The following SRD5A1 variants were observed in gnomAD, a reference collection of about 807,000 sequenced individuals.
SRD5A1 encodes the protein 3-oxo-5-alpha-steroid 4-dehydrogenase 1.
A neutral mutation model predicts 28.2 loss-of-function variants in SRD5A1; 22 were observed. The ratio of observed to expected loss-of-function variants is 0.78; its 90% CI spans 0.56 to 1.12. SRD5A1 has a LOEUF of 1.12. Ranked by LOEUF, SRD5A1 falls within the 50% of genes most tolerant of loss-of-function variation. SRD5A1 has a pLI of 0.00. For synonymous variants in SRD5A1, 151 were observed against 135.0 expected (o/e 1.12, Z -0.82); for missense variants, 300 against 346.7 (o/e 0.87, Z 1.07).
chr5:6,642,900 C>T (rs553557119), intron 1 of SRD5A1, among the ~76,000 whole-genome samples: 1 of 152,276 alleles, frequency 6.6e-6, no homozygotes, highest in South Asian at 2.1e-4. Flanking sequence ...ATAGTTGAGT[C>T]CATGAGAGGG....
At chr5:6,668,113 T>C in intron 4 of SRD5A1, 89 bp from the exon 5 acceptor site, 1 of 852,568 alleles carries the variant, frequency 1.2e-6, no homozygotes. Flanking sequence ...TGAGTACTCT[T>C]TTGTAATGAA....
rs193296640 is a variant in SRD5A1 at position 6,658,849 on chromosome 5, C to T, written c.562+2670C>T. ...AACCTAGACTGGGTGCAGTGGCTCA[C>T]ACCTGTAATCCCAGCACTTTGGGAG... is the stretch of plus-strand genomic sequence containing the variant. On this transcript the variant is annotated intron_variant, in intron 3 of 4. Transcript: ENST00000274192. Among the ~76,000 whole-genome samples the T allele has an allele frequency of 2.6e-5, 4 of 151,952 alleles. No homozygotes were observed. The East Asian group carries it at 5.8e-4, about 22-fold the overall frequency.
chr5:6,635,833 C>G (rs7707877), intron 1 of SRD5A1, among the ~76,000 whole-genome samples: 54,151 of 151,986 alleles, frequency 0.36, 9,965 homozygotes, highest in Middle Eastern at 0.43. Context: ...TTTCATTGTA[C>G]CTACATTCAC....
rs1453034998 is a variant in SRD5A1 at position 6,669,039 on chromosome 5, G to A, written c.*771G>A. On this transcript the variant is annotated 3_prime_UTR_variant, in exon 5 of 5. Transcript: ENST00000274192. Reference sequence around the variant, plus strand: ...GTGAGCCATCAATGTGCTCTGGTCTGACATGGTTTCTCTCTGTCTTCTAGT... The same window carrying A: ...GTGAGCCATCAATGTGCTCTGGTCTAACATGGTTTCTCTCTGTCTTCTAGT... 1 of 152,240 alleles carries A rather than the reference G, an allele frequency of 6.6e-6. No homozygotes were observed. The highest frequency in any genetic ancestry group is 1.5e-5 in the Non-Finnish European group (1 of 68,072). The allele number at this position is 152,240 out of a possible 1,614,324, so 9.4% of individuals were successfully genotyped here.
At position 6,633,607 on chromosome 5, in the gene SRD5A1, C is replaced by T; in HGVS notation, c.31C>T (p.Arg11Cys). 6.6e-7 allele frequency: 1 copy of T among 1,525,120 alleles called. No homozygotes were observed. The highest frequency in any genetic ancestry group is 8.7e-7 in the Non-Finnish European group (1 of 1,143,776). 94.5% of individuals were successfully genotyped at this position (1,525,120 alleles called of 1,614,324 possible). Reference sequence around the variant, plus strand: ...AACGGCGACGGGGGTGGCGGAGGAGCGCCTGCTGGCCGCGCTCGCCTACCT... The same window carrying T: ...AACGGCGACGGGGGTGGCGGAGGAGTGCCTGCTGGCCGCGCTCGCCTACCT... MATATGVAEE[R>C]LLAALAYLQC... Residue 11 changes from arginine (R) to cysteine (C), a missense_variant, in exon 1 of 5, where the codon CGC becomes TGC. Physicochemically the swap from Arg to Cys is radical, Grantham distance 180 (BLOSUM62 -3). Transcript: ENST00000274192.
At chr5:6,634,947 T>C (rs1738134397) in intron 1 of SRD5A1, among the ~76,000 whole-genome samples, 1 of 152,234 alleles carries the variant, frequency 6.6e-6, no homozygotes, top group Non-Finnish European at 1.5e-5. Context: ...CCCAAGGAAG[T>C]TGAACTCACT....
chr5:6,646,142 GCAT>G (rs1738505602), intron 1 of SRD5A1, among the ~76,000 whole-genome samples: 3 of 152,172 alleles, frequency 2.0e-5, no homozygotes, highest in Admixed American at 2.0e-4. Context: ...ACAGTTTCTA[GCAT>G]CATCCATGTC....
chr5:6,649,863 C>T (rs1363614991), intron 1 of SRD5A1, among the ~76,000 whole-genome samples: 7 of 143,124 alleles, frequency 4.9e-5, no homozygotes, highest in South Asian at 2.2e-4. Context: ...GCTGCAAGAC[C>T]GGAGCTGTTC....
chr5:6,665,334 C>T (rs566340171), intron 4 of SRD5A1, among the ~76,000 whole-genome samples: 1 of 152,364 alleles, frequency 6.6e-6, no homozygotes, highest in South Asian at 2.1e-4. Flanking sequence ...TTATAAGCCA[C>T]CCAGTGTGTG....
chr5:6,658,662 T>G (rs570947581), intron 3 of SRD5A1, among the ~76,000 whole-genome samples: 2 of 152,256 alleles, frequency 1.3e-5, no homozygotes, highest in East Asian at 3.9e-4. Flanking sequence ...AGAAAATGCT[T>G]CTAAAATTCT....
Position 6,633,777 on chromosome 5 carries a change from G to A in SRD5A1, c.201G>A (p.Pro67=), listed in dbSNP as rs1366622510. The A allele has an allele frequency of 1.3e-6, 2 of 1,597,718 alleles. No individual in the cohort carries two copies. Among genetic ancestry groups the A allele is most frequent in the Admixed American group, 1.7e-5 (1 of 59,996 alleles). Residue 67 remains proline, a synonymous_variant, in exon 1 of 5, where the codon CCG becomes CCA. Transcript: ENST00000274192. ...AGGAGCTGCCCTCGCTGGCCCTGCC[G>A]CTCTACCAGTACGCCAGCGAGTCCG... is the stretch of plus-strand genomic sequence containing the variant. ...VVQELPSLAL[P]LYQYASESAP... is the part of the protein sequence containing the mutation.
intron 1 of SRD5A1, among the ~76,000 whole-genome samples, chr5:6,646,795 T>C (rs1035917388): frequency 6.6e-6 from 1 of 152,214 alleles, no homozygotes; most frequent in Non-Finnish European, 1.5e-5. Flanking sequence ...GCTCTGATCT[T>C]AGTTATTTCT....
At chr5:6,634,226 C>CT (rs1738101521) in intron 1 of SRD5A1, among the ~76,000 whole-genome samples, 1 of 152,228 alleles carries the variant, frequency 6.6e-6, no homozygotes, top group Non-Finnish European at 1.5e-5. Flanking sequence ...ACTCGGGAGT[C>CT]TGAGATGGAA....
In SRD5A1 at chr5:6,656,107, A is replaced by G. The variant is rs373310457; in HGVS notation, c.490A>G (p.Ile164Val). ...GFGLWLTGML[I>V]NIHSDHILRN... The stretch of plus-strand genomic sequence containing the variant: ...TGGCTTGTGGTTAACGGGCATGTTG[A>G]TAAACATCCATTCAGATCATATCCT... The change falls in exon 3 of 5, where the codon ATA becomes GTA. Residue 164 changes from isoleucine to valine, a missense_variant. Coordinates refer to ENST00000274192, the MANE Select transcript of SRD5A1 (RefSeq NM_001047.4). 10 of 1,613,912 alleles carry G rather than the reference A, an allele frequency of 6.2e-6. No homozygotes were observed. Among genetic ancestry groups the G allele is most frequent in the Non-Finnish European group, 8.5e-6 (10 of 1,179,978 alleles).
At chr5:6,664,292 T>C (rs891667801) in intron 4 of SRD5A1, among the ~76,000 whole-genome samples, 2 of 152,200 alleles carry the variant, frequency 1.3e-5, no homozygotes, top group Non-Finnish European at 2.9e-5. Flanking sequence ...TAGATTGATA[T>C]GGTATAGTGG....
chr5:6,651,881 T>C lies in SRD5A1; in HGVS notation c.333T>C (p.Pro111=), dbSNP rs1388461999. ...CATTTCTGATGCGAGGAGGAAAGCC[T>C]ATGCCACTGTTGGCGTGTACAATGG... The part of the protein sequence containing the change: ...IYPFLMRGGK[P]MPLLACTMAI... The change falls in exon 2 of 5, where the codon CCT becomes CCC. Residue 111 remains proline (P), a synonymous_variant. Transcript: ENST00000274192. 6.2e-7 allele frequency: 1 copy of C among 1,613,408 alleles called. No homozygotes were observed. The highest frequency in any genetic ancestry group is 8.5e-7 in the Non-Finnish European group (1 of 1,179,764).
At chr5:6,652,068 C>G in intron 2 of SRD5A1, 60 bp downstream of exon 2, 1 of 1,495,270 alleles carries the variant, frequency 6.7e-7, no homozygotes, top group Non-Finnish European at 9.1e-7. Flanking sequence ...TATTGATGTC[C>G]CAGTGGTTTC....
At chr5:6,666,000 G>T (rs1739157931) in intron 4 of SRD5A1, among the ~76,000 whole-genome samples, 1 of 152,140 alleles carries the variant, frequency 6.6e-6, no homozygotes, top group African/African-American at 2.4e-5. Flanking sequence ...TTTTGCAGAA[G>T]TATGTTCAGA....
At chr5:6,638,366 A>G (rs1461145381) in intron 1 of SRD5A1, among the ~76,000 whole-genome samples, 1 of 152,266 alleles carries the variant, frequency 6.6e-6, no homozygotes, top group East Asian at 1.9e-4. Flanking sequence ...ATCAGCACCA[A>G]ACCACAAGCA....
Sources: gnomAD v4.1 joint callset for allele counts (sites outside exome capture counted in the v4.1 genomes callset) on GRCh38, gnomAD v4.1.1 for gene constraint, MANE v1.5 for transcripts, NCBI Gene and HGNC (gene_info 2026-07-23, HGNC 2026-07-21) for gene names.